The following PHC2 variants were observed in gnomAD, a reference collection of about 807,000 sequenced individuals.
The protein encoded by PHC2 is polyhomeotic homolog 2.
A neutral mutation model predicts 87.4 loss-of-function variants in PHC2; 29 were observed. The observed-to-expected ratio is 0.33, with a 90% CI of 0.25 to 0.45. The LOEUF is 0.45. PHC2 is among the 20% of genes least tolerant of loss of function. The pLI, the probability that PHC2 is intolerant of heterozygous loss-of-function variation, is 1.00. For synonymous variants in PHC2, 438 were observed against 461.7 expected (o/e 0.95, Z 0.66); for missense variants, 857 against 1,136.7 (o/e 0.75, Z 3.54).
intron 1 of PHC2, 29 bp downstream of exon 1, chr1:33,430,929 CCCGTCAGCCGCGAGCTGG>C (rs1472272650): frequency 6.6e-6 from 1 of 151,070 alleles, no homozygotes; most frequent in African/African-American, 2.4e-5. Flanking sequence ...CCGCGCGCTG[CCCGTCAGCCGCGAGCTGG>C]CCCCAGCGCG....
At chr1:33,408,934 T>A (rs192025761) in intron 1 of PHC2, among the ~76,000 whole-genome samples, 9 of 152,320 alleles carry the variant, frequency 5.9e-5, no homozygotes, top group Non-Finnish European at 1.3e-4. Context: ...CACCTACTTG[T>A]TGTAGACCAC....
chr1:33,375,939 A>AAGGGGGTTCCTGGAACCAGTCCTC, intron 1 of PHC2, among the ~76,000 whole-genome samples: 1 of 152,190 alleles, frequency 6.6e-6, no homozygotes, highest in South Asian at 2.1e-4. Context: ...GTTGGCATCC[A>AAGGGGGTTCCTGGAACCAGTCCTC]AGGGGGTTCC....
rs1189465243 is a variant in PHC2 at position 33,331,091 on chromosome 1, G to GT, written c.2006+256dup. Among the ~76,000 whole-genome samples, 1 of 152,224 alleles carries GT rather than the reference G, an allele frequency of 6.6e-6. No individual in the cohort carries two copies. Among genetic ancestry groups the GT allele is most frequent in the East Asian group, 1.9e-4 (1 of 5,186 alleles). On this transcript the variant is annotated intron_variant, in intron 12 of 14. Transcript: ENST00000683057. This position sits in a 1 kb window ranked among gnomAD's most constrained non-coding sequence, Gnocchi z 5.2. ...TGCTAGGAAAGGCGAATGGGTGCCAGTGGAGCCCAGGAGGGCCAGCCGAGC... is the reference window on the plus strand; with the variant it reads ...TGCTAGGAAAGGCGAATGGGTGCCAGTTGGAGCCCAGGAGGGCCAGCCGAGC...
chr1:33,342,835 CTA>C (rs1646770746), intron 9 of PHC2, among the ~76,000 whole-genome samples: 1 of 152,296 alleles, frequency 6.6e-6, no homozygotes, highest in African/African-American at 2.4e-5. Context: ...CCGGCCCATG[CTA>C]TGATTTCAAA....
intron 1 of PHC2, among the ~76,000 whole-genome samples, chr1:33,386,784 GCA>G (rs1648778565): frequency 6.6e-6 from 1 of 151,910 alleles, no homozygotes; most frequent in African/African-American, 2.4e-5. Flanking sequence ...CACACAGTGC[GCA>G]CACACATCAC....
Position 33,386,184 on chromosome 1 carries a change from G to C in PHC2, c.-54-10591C>G, listed in dbSNP as rs112841043. On this transcript the variant is annotated intron_variant, in intron 1 of 14. Coordinates refer to ENST00000683057, the MANE Select transcript of PHC2 (RefSeq NM_001385109.1). ...TATGCATTTTGGGGATTTATACATA[G>C]AAATCTCAGTACCAAGGTCACGAAA... Among the ~76,000 whole-genome samples the C allele has an allele frequency of 5.4e-3, 813 of 151,944 alleles. 11 individuals are homozygous for C. Among genetic ancestry groups the C allele is most frequent in the African/African-American group, 0.019 (780 of 41,444 alleles).
rs761761906 is a variant in PHC2 at position 33,330,137 on chromosome 1, C to T, written c.2082G>A (p.Ala694=). Residue 694 remains alanine, a synonymous_variant, in exon 13 of 15, where the codon GCG becomes GCA. Transcript: ENST00000683057. The part of the protein sequence containing the change: ...DRSKLQKAGA[A]THNRRRASKA... ...TGCTGGCCCGACGGCGGTTGTGGGT[C>T]GCAGCTCCTGCCTTCTGCAGCTTGC... 1.2e-5 allele frequency: 19 copies of T among 1,614,076 alleles called. No homozygotes were observed. Among genetic ancestry groups the T allele is most frequent in the Admixed American group, 3.3e-5 (2 of 60,004 alleles).
intron 9 of PHC2, chr1:33,345,713 T>G (rs950563700): frequency 8.8e-5 from 87 of 984,722 alleles, no homozygotes; most frequent in Non-Finnish European, 1.0e-4. Flanking sequence ...TTGTTACTGA[T>G]GGGGAAAAAT....
At chr1:33,346,920 A>T (rs1646854994) in intron 9 of PHC2, 1 of 985,266 alleles carries the variant, frequency 1.0e-6, no homozygotes, top group Admixed American at 6.1e-5. Context: ...GTTTTTCCTT[A>T]AATAAGAAAA....
intron 1 of PHC2, among the ~76,000 whole-genome samples, chr1:33,404,499 C>G (rs1414390436): frequency 6.6e-6 from 1 of 152,040 alleles, no homozygotes; most frequent in African/African-American, 2.4e-5. Flanking sequence ...CTCTTTTAAC[C>G]CCTTTATGTA....
At position 33,332,630 on chromosome 1, in the gene PHC2, A is replaced by G; in HGVS notation, c.1762-226T>C. The G allele has an allele frequency of 3.7e-6, 2 of 540,496 alleles. No individual in the cohort carries two copies. The highest frequency in any genetic ancestry group is 4.1e-5 in the South Asian group (2 of 48,560). The allele number at this position is 540,496 out of a possible 1,614,324, so 33.5% of individuals were successfully genotyped here. On this transcript the variant is annotated intron_variant, in intron 10 of 14. Transcript: ENST00000683057. The surrounding 1 kb of genome is among the most constrained non-coding windows in gnomAD (Gnocchi z 4.2). Reference sequence around the variant, plus strand: ...CAAAGTACAGGGATGGCTTCTGTCCAGGACCAACGGATGGCTCAGGAGATT... The same window carrying G: ...CAAAGTACAGGGATGGCTTCTGTCCGGGACCAACGGATGGCTCAGGAGATT...
At chr1:33,340,294 T>A (rs1415090440) in intron 9 of PHC2, among the ~76,000 whole-genome samples, 1 of 152,174 alleles carries the variant, frequency 6.6e-6, no homozygotes, top group African/African-American at 2.4e-5. Context: ...AGGTCACCTA[T>A]AAAACCCAAA....
chr1:33,329,134 C>T lies in PHC2; in HGVS notation c.2161G>A (p.Val721Met). 6 of 1,613,166 alleles carry T rather than the reference C, an allele frequency of 3.7e-6. No individual in the cohort carries two copies. Among genetic ancestry groups the T allele is most frequent in the Non-Finnish European group, 5.1e-6 (6 of 1,179,328 alleles). The change falls in exon 14 of 15, where the codon GTG becomes ATG. Residue 721 changes from valine to methionine, a missense_variant. Transcript: ENST00000683057. The part of the protein sequence containing the change: ...KDTKKQPTGT[V>M]PLSVTAALQL... ...AAAGCAGCAGTAACCGAAAGGGGCA[C>T]AGTGCCTGTTGGCTGGGAGCAGAGA...
chr1:33,429,422 C>T (rs1041352198), intron 1 of PHC2, among the ~76,000 whole-genome samples: 20 of 152,354 alleles, frequency 1.3e-4, no homozygotes, highest in Admixed American at 3.9e-4. Context: ...CTTTATGTGG[C>T]TGCATTCGCT....
At chr1:33,330,363 T>C (rs910699281) in intron 12 of PHC2, 151 bp from the exon 13 acceptor site, 12 of 797,654 alleles carry the variant, frequency 1.5e-5, no homozygotes, top group Non-Finnish European at 2.0e-5. Context: ...TGTGTGACTT[T>C]GGGTTTAAGT....
At chr1:33,398,391 A>C (rs898732102) in intron 1 of PHC2, among the ~76,000 whole-genome samples, 1 of 152,246 alleles carries the variant, frequency 6.6e-6, no homozygotes. Flanking sequence ...CTTGTTACAA[A>C]TGTAATATGC....
At chr1:33,335,285 CG>C (rs1646604448) in intron 9 of PHC2, 1 of 985,268 alleles carries the variant, frequency 1.0e-6, no homozygotes, top group Admixed American at 6.2e-5. Context: ...AACTCTCTCC[CG>C]CCCCCTTCCC....
chr1:33,329,082 G>A lies in PHC2; in HGVS notation c.2213C>T (p.Ser738Phe). Residue 738 changes from serine (S) to phenylalanine (F), a missense_variant, in exon 14 of 15, where the codon TCC becomes TTC. By Grantham distance (155) the Ser-to-Phe change is radical. Coordinates refer to ENST00000683057, the MANE Select transcript of PHC2 (RefSeq NM_001385109.1). ...GCTTGAGTTATCTGAGCAACGGCTG[G>A]AGTCTTCCTGGCTGTGTGTTAGCTG... Reference protein sequence around the residue: ...ALQLTHSQEDSSRCSDNSSYE... With the variant: ...ALQLTHSQEDFSRCSDNSSYE... The A allele has an allele frequency of 6.2e-7, 1 of 1,614,204 alleles. No homozygotes were observed. The highest frequency in any genetic ancestry group is 1.7e-5 in the Admixed American group (1 of 60,028).
chr1:33,329,072 G>C lies in PHC2; in HGVS notation c.2223C>G (p.Cys741Trp). ...GTTCCTCATAGCTTGAGTTATCTGAGCAACGGCTGGAGTCTTCCTGGCTGT... is the reference window on the plus strand; with the variant it reads ...GTTCCTCATAGCTTGAGTTATCTGACCAACGGCTGGAGTCTTCCTGGCTGT... Reference protein sequence around the residue: ...LTHSQEDSSRCSDNSSYEEPL... With the variant: ...LTHSQEDSSRWSDNSSYEEPL... Residue 741 changes from cysteine to tryptophan, a missense_variant, in exon 14 of 15, where the codon TGC becomes TGG. By Grantham distance (215) the Cys-to-Trp change is radical (BLOSUM62 -2). Transcript: ENST00000683057. The C allele has an allele frequency of 2.5e-6, 4 of 1,614,204 alleles. No individual in the cohort carries two copies. Among genetic ancestry groups the C allele is most frequent in the Non-Finnish European group, 3.4e-6 (4 of 1,180,042 alleles).
Sources: allele counts gnomAD v4.1 joint callset (sites outside exome capture counted in the v4.1 genomes callset), GRCh38; gene constraint gnomAD v4.1.1; non-coding constraint Gnocchi (gnomAD v3.1); transcripts MANE v1.5; gene names NCBI Gene and HGNC (gene_info 2026-07-23, HGNC 2026-07-21).